Variants in PRSS8 observed in about 807,000 individuals in gnomAD.
PRSS8 encodes serine protease 8.
Under a neutral mutation model 26.7 loss-of-function variants are expected in PRSS8, and 11 were observed. That is an observed-to-expected ratio of 0.41 (90% CI 0.26 to 0.68). The LOEUF is 0.68. Among genes scored for constraint, PRSS8 ranks in the 30% least tolerant of loss-of-function variants. The probability of loss-of-function intolerance (pLI) is 0.30; values close to 1 mark genes in which losing one functional copy is unlikely to be tolerated. For missense variants in PRSS8, 362 were observed against 443.5 expected (o/e 0.82, Z 1.65); for synonymous variants, 183 against 187.0 (o/e 0.98, Z 0.17).
At chr16:31,135,214 G>A (rs192513655) in intron 1 of PRSS8, 43 bp from the exon 2 acceptor site, 27 of 1,612,214 alleles carry the variant, frequency 1.7e-5, no homozygotes, top group African/African-American at 8.0e-5. Flanking sequence ...GGGAAGACTC[G>A]GGTTCCCTGA....
Position 31,132,722 on chromosome 16 carries a change from G to A in PRSS8, c.498C>T (p.Leu166=), listed in dbSNP as rs755986562. 1.2e-6 allele frequency: 2 copies of A among 1,614,026 alleles called. No homozygotes were observed. Among genetic ancestry groups the A allele is most frequent in the East Asian group, 2.2e-5 (1 of 44,888 alleles). The change falls in exon 4 of 6, where the codon CTC becomes CTT. Residue 166 remains leucine, a synonymous_variant. Coordinates refer to ENST00000317508, the MANE Select transcript of PRSS8 (RefSeq NM_002773.5). This position sits in a 1 kb window ranked among gnomAD's most constrained non-coding sequence, Gnocchi z 5.2. ...GACCCCAGCCAGTGACAGTGCAGTG[G>A]AGGCCGTTGGGGAAGGAGGCGTTGG... is the stretch of plus-strand genomic sequence containing the variant. The part of the protein sequence containing the change: ...PAANASFPNG[L]HCTVTGWGHV...
In PRSS8 at chr16:31,132,934, A is replaced by G. The variant is rs2057589037; in HGVS notation, c.286T>C (p.Tyr96His). ...CFPSEHHKEAYEVKLGAHQLD... is the reference protein window; with the variant it reads ...CFPSEHHKEAHEVKLGAHQLD... The stretch of plus-strand genomic sequence containing the variant: ...TGGTGGGCCCCCAGCTTGACCTCAT[A>G]GGCTTCCTTGTGGTGCTCGCTGCAG... The change falls in exon 4 of 6, where the codon TAT (tyrosine) becomes CAT (histidine). Residue 96 changes from tyrosine to histidine, a missense_variant. Physicochemically the swap from Tyr to His is moderately conservative, Grantham distance 83. Transcript: ENST00000317508. The surrounding 1 kb of genome is among the most constrained non-coding windows in gnomAD (Gnocchi z 5.2). 1.9e-6 allele frequency: 3 copies of G among 1,611,542 alleles called. No homozygotes were observed. The highest frequency in any genetic ancestry group is 1.7e-6 in the Non-Finnish European group (2 of 1,178,520).
chr16:31,131,642 A>T lies in PRSS8; in HGVS notation c.*367T>A, dbSNP rs1209187522. ...CAGAACACAGGGAGAGGGCAGAGAG[A>T]TGTGCTCATCAGTCTGGGCAGGCGG... On this transcript the variant is annotated 3_prime_UTR_variant, in exon 6 of 6. Transcript: ENST00000317508. 1 of 416,738 alleles carries T rather than the reference A, an allele frequency of 2.4e-6. No homozygotes were observed. Among genetic ancestry groups the T allele is most frequent in the Non-Finnish European group, 4.3e-6 (1 of 231,120 alleles). The allele number at this position is 416,738 out of a possible 1,614,324, so 25.8% of individuals were successfully genotyped here.
Position 31,133,941 on chromosome 16 carries a change from C to T in PRSS8, c.104-553G>A, listed in dbSNP as rs1369973353. 6 of 162,618 alleles carry T rather than the reference C, an allele frequency of 3.7e-5. No homozygotes were observed. Among genetic ancestry groups the T allele is most frequent in the Admixed American group, 1.1e-4 (2 of 17,634 alleles). The allele number at this position is 162,618 out of a possible 1,614,324, so 10.1% of individuals were successfully genotyped here. On this transcript the variant is annotated intron_variant, in intron 2 of 5. Coordinates refer to ENST00000317508, the MANE Select transcript of PRSS8 (RefSeq NM_002773.5). The surrounding 1 kb of genome is among the most constrained non-coding windows in gnomAD (Gnocchi z 4.7). ...TGCTGGCTGAGTTGGGCATTGCCTC[C>T]GAGCCCAGCACCCCCCAACCTCCAC... is the stretch of plus-strand genomic sequence containing the variant.
chr16:31,135,604 C>T lies in PRSS8; in HGVS notation c.-106G>A. 9.9e-7 allele frequency: 1 copy of T among 1,014,004 alleles called. No individual in the cohort carries two copies. Among genetic ancestry groups the T allele is most frequent in the Admixed American group, 2.9e-5 (1 of 34,506 alleles). The allele number at this position is 1,014,004 out of a possible 1,614,324, so 62.8% of individuals were successfully genotyped here. A position where few individuals can be genotyped will look rare whatever the true frequency, so the allele number is the denominator to read the frequency against. Reference sequence around the variant, plus strand: ...GATGTTGGCTCAGAGGGAAGGATCCCAGAATCCGGGCTGGAAAGGGGCAGC... The same window carrying T: ...GATGTTGGCTCAGAGGGAAGGATCCTAGAATCCGGGCTGGAAAGGGGCAGC... On this transcript the variant is annotated 5_prime_UTR_variant, in exon 1 of 6. Coordinates refer to ENST00000317508, the MANE Select transcript of PRSS8 (RefSeq NM_002773.5).
At chr16:31,134,273 TG>T (rs1353455837) in intron 2 of PRSS8, 1 of 152,258 alleles carries the variant, frequency 6.6e-6, no homozygotes, top group East Asian at 1.9e-4. Flanking sequence ...CTTATCATCA[TG>T]ACAATAGCCA....
At position 31,133,417 on chromosome 16, in the gene PRSS8, G is replaced by A. The variant is rs1191875604; in HGVS notation, c.104-29C>T. On this transcript the variant is annotated intron_variant, in intron 2 of 5. Coordinates refer to ENST00000317508, the MANE Select transcript of PRSS8 (RefSeq NM_002773.5). This position sits in a 1 kb window ranked among gnomAD's most constrained non-coding sequence, Gnocchi z 4.7. ...CCCAGGGAGGAAGGGAAGGGGTCAG[G>A]TTGTTAGCCTGGCCACTCCTATGCA... 1 of 1,611,462 alleles carries A rather than the reference G, an allele frequency of 6.2e-7. No homozygotes were observed. The highest frequency in any genetic ancestry group is 1.1e-5 in the South Asian group (1 of 90,958).
In PRSS8 at chr16:31,132,889, C is replaced by T; in HGVS notation, c.331G>A (p.Asp111Asn). Residue 111 changes from aspartate (D) to asparagine (N), a missense_variant, in exon 4 of 6, where the codon GAC (aspartate) becomes AAC (asparagine). Coordinates refer to ENST00000317508, the MANE Select transcript of PRSS8 (RefSeq NM_002773.5). This position sits in a 1 kb window ranked among gnomAD's most constrained non-coding sequence, Gnocchi z 5.2. ...GAHQLDSYSE[D>N]AKVSTLKDII... is the part of the protein sequence containing the mutation. ...TCCTTCAGGGTGCTGACCTTGGCGT[C>T]CTCGGAGTAGGAGTCTAGCTGGTGG... 6.2e-7 allele frequency: 1 copy of T among 1,613,698 alleles called. No homozygotes were observed. Among genetic ancestry groups the T allele is most frequent in the Non-Finnish European group, 8.5e-7 (1 of 1,179,804 alleles).
rs755362506 is a variant in PRSS8 at position 31,132,354 on chromosome 16, C to T, written c.706-19G>A. 3.7e-6 allele frequency: 6 copies of T among 1,613,994 alleles called. No homozygotes were observed. The highest frequency in any genetic ancestry group is 1.3e-5 in the African/African-American group (1 of 75,054). ...AGTCACCCTGAGGAGAGAAGCCACA[C>T]AGCAGCCATCAGGACCGGGCCAGGC... On this transcript the variant is annotated intron_variant, in intron 5 of 5. Transcript: ENST00000317508. This position sits in a 1 kb window ranked among gnomAD's most constrained non-coding sequence, Gnocchi z 5.2.
chr16:31,135,122 C>G (rs903432986), intron 2 of PRSS8, 32 bp downstream of exon 2: 2 of 1,609,432 alleles, frequency 1.2e-6, no homozygotes, highest in Admixed American at 1.7e-5. Flanking sequence ...TCACCTCCCC[C>G]TCCCCTCCTC....
rs921950102 is a variant in PRSS8 at position 31,135,692 on chromosome 16, G to A, written c.-194C>T. On this transcript the variant is annotated 5_prime_UTR_variant, in exon 1 of 6. Transcript: ENST00000317508. ...GCAACGGGAGACGCCTGGAGTATCC[G>A]AAGCGAGCAGTGTGGACGAGTCACC... 1.0e-5 allele frequency: 6 copies of A among 582,710 alleles called. No individual in the cohort carries two copies. The highest frequency in any genetic ancestry group is 9.4e-5 in the African/African-American group (5 of 53,438). The allele number at this position is 582,710 out of a possible 1,614,324, so 36.1% of individuals were successfully genotyped here.
chr16:31,132,453 C>T lies in PRSS8; in HGVS notation c.681G>A (p.Val227=). The change falls in exon 5 of 6, where the codon GTG becomes GTA. Residue 227 remains valine, a synonymous_variant. Coordinates refer to ENST00000317508, the MANE Select transcript of PRSS8 (RefSeq NM_002773.5). This position sits in a 1 kb window ranked among gnomAD's most constrained non-coding sequence, Gnocchi z 5.2. ...CCTGGCAGGCGTCCTTGCCCCCCTC[C>T]ACATAGCCAGCACACACCATGTCCT... ...VQEDMVCAGY[V]EGGKDACQGD... 2 of 1,614,002 alleles carry T rather than the reference C, an allele frequency of 1.2e-6. No individual in the cohort carries two copies. The highest frequency in any genetic ancestry group is 1.7e-6 in the Non-Finnish European group (2 of 1,179,856).
rs1038059648 is a variant in PRSS8, at chr16:31,132,769, G to T, written c.451C>A (p.Arg151=). Residue 151 remains arginine (R), a synonymous_variant, in exon 4 of 6, where the codon CGG becomes AGG. Transcript: ENST00000317508. This position sits in a 1 kb window ranked among gnomAD's most constrained non-coding sequence, Gnocchi z 5.2. ...SRPITFSRYI[R]PICLPAANAS... ...TTGGCTGCAGGGAGGCAGATGGGCC[G>T]GATGTAGCGGGAGAAGGTGATGGGT... 1.9e-6 allele frequency: 3 copies of T among 1,613,878 alleles called. No homozygotes were observed. In the African/African-American group the frequency reaches 4.0e-5, roughly 22 times the overall value.
chr16:31,132,897 T>C lies in PRSS8; in HGVS notation c.323A>G (p.Tyr108Cys), dbSNP rs547085095. Residue 108 changes from tyrosine to cysteine, a missense_variant, in exon 4 of 6, where the codon TAC (tyrosine) becomes TGC (cysteine). Coordinates refer to ENST00000317508, the MANE Select transcript of PRSS8 (RefSeq NM_002773.5). This position sits in a 1 kb window ranked among gnomAD's most constrained non-coding sequence, Gnocchi z 5.2. ...GGTGCTGACCTTGGCGTCCTCGGAGTAGGAGTCTAGCTGGTGGGCCCCCAG... is the reference window on the plus strand; with the variant it reads ...GGTGCTGACCTTGGCGTCCTCGGAGCAGGAGTCTAGCTGGTGGGCCCCCAG... Reference protein sequence around the residue: ...VKLGAHQLDSYSEDAKVSTLK... With the variant: ...VKLGAHQLDSCSEDAKVSTLK... 1 of 1,613,244 alleles carries C rather than the reference T, an allele frequency of 6.2e-7. No homozygotes were observed. The highest frequency in any genetic ancestry group is 8.5e-7 in the Non-Finnish European group (1 of 1,179,704).
chr16:31,135,096 G>T, intron 2 of PRSS8, 58 bp downstream of exon 2: 1 of 1,594,870 alleles, frequency 6.3e-7, no homozygotes, highest in East Asian at 2.3e-5. Flanking sequence ...TAAACCCCAG[G>T]GGAATCCGAT....
chr16:31,133,298 T>C lies in PRSS8; in HGVS notation c.194A>G (p.Glu65Gly). Residue 65 changes from glutamate to glycine, a missense_variant, in exon 3 of 6, where the codon GAA (glutamate) becomes GGA (glycine). Transcript: ENST00000317508. The surrounding 1 kb of genome is among the most constrained non-coding windows in gnomAD (Gnocchi z 4.7). Reference sequence around the variant, plus strand: ...AGAGCCACCACACACATGGACGCCTTCATAGGTGATGCTGACCTGCCAGGG... The same window carrying C: ...AGAGCCACCACACACATGGACGCCTCCATAGGTGATGCTGACCTGCCAGGG... The part of the protein sequence containing the change: ...QWPWQVSITY[E>G]GVHVCGGSLV... The C allele has an allele frequency of 6.2e-7, 1 of 1,613,980 alleles. No individual in the cohort carries two copies. The highest frequency in any genetic ancestry group is 8.5e-7 in the Non-Finnish European group (1 of 1,179,888).
chr16:31,131,946 A>G lies in PRSS8; in HGVS notation c.*63T>C. 4 of 1,455,960 alleles carry G rather than the reference A, an allele frequency of 2.7e-6. No individual in the cohort carries two copies. The East Asian group carries it at 7.5e-5, about 27-fold the overall frequency. The allele number at this position is 1,455,960 out of a possible 1,614,324, so 90.2% of individuals were successfully genotyped here. On this transcript the variant is annotated 3_prime_UTR_variant, in exon 6 of 6. Coordinates refer to ENST00000317508, the MANE Select transcript of PRSS8 (RefSeq NM_002773.5). ...AAGTCAGGCCCTGGGTCCAAAGGCC[A>G]TCAGGGAAGGACCAGGCTCCTGTCC... is the stretch of plus-strand genomic sequence containing the variant.
rs933953291 is a variant in PRSS8 at position 31,131,724 on chromosome 16, G to A, written c.*285C>T. On this transcript the variant is annotated 3_prime_UTR_variant, in exon 6 of 6. Coordinates refer to ENST00000317508, the MANE Select transcript of PRSS8 (RefSeq NM_002773.5). Reference sequence around the variant, plus strand: ...GCCAGGGCTCATTTTCATAGCCAAGGGTCCCAGGAGCTCCCCAGGAGCTCG... The same window carrying A: ...GCCAGGGCTCATTTTCATAGCCAAGAGTCCCAGGAGCTCCCCAGGAGCTCG... 2 of 447,470 alleles carry A rather than the reference G, an allele frequency of 4.5e-6. No homozygotes were observed. The highest frequency in any genetic ancestry group is 8.0e-6 in the Non-Finnish European group (2 of 251,518). 27.7% of individuals were successfully genotyped at this position (447,470 alleles called of 1,614,324 possible). A position where few individuals can be genotyped will look rare whatever the true frequency, so the allele number is the denominator to read the frequency against.
Position 31,131,810 on chromosome 16 carries a change from TA to T in PRSS8, c.*198del. On this transcript the variant is annotated 3_prime_UTR_variant, in exon 6 of 6. Coordinates refer to ENST00000317508, the MANE Select transcript of PRSS8 (RefSeq NM_002773.5). Reference sequence around the variant, plus strand: ...AGGCTCTGGCCATTGCTACAGGCAGTAAAACTCCTGACTCTCAGTGATGGTC... The same window carrying T: ...AGGCTCTGGCCATTGCTACAGGCAGTAAACTCCTGACTCTCAGTGATGGTC... 4.9e-6 allele frequency: 3 copies of T among 611,646 alleles called. No homozygotes were observed. The highest frequency in any genetic ancestry group is 1.8e-5 in the African/African-American group (1 of 54,290). 37.9% of individuals were successfully genotyped at this position (611,646 alleles called of 1,614,324 possible). A position where few individuals can be genotyped will look rare whatever the true frequency, so the allele number is the denominator to read the frequency against.
Sources: allele counts gnomAD v4.1 joint callset, GRCh38; gene constraint gnomAD v4.1.1; non-coding constraint Gnocchi (gnomAD v3.1); transcripts MANE v1.5; gene names NCBI Gene and HGNC (gene_info 2026-07-23, HGNC 2026-07-21).